Variants in KLB observed in about 807,000 individuals in gnomAD.
KLB encodes klotho beta.
In KLB, 44 loss-of-function variants were observed where a neutral mutation model predicts 88.4. The ratio of observed to expected loss-of-function variants is 0.50; its 90% CI spans 0.39 to 0.64. The LOEUF is 0.64. Ranked by LOEUF, KLB falls within the 30% of genes least tolerant of loss-of-function variation. The probability of loss-of-function intolerance (pLI) is 0.00; values close to 1 mark genes in which losing one functional copy is unlikely to be tolerated. For missense variants in KLB, 1,137 were observed against 1,304.8 expected (o/e 0.87, Z 1.98); for synonymous variants, 548 against 513.4 (o/e 1.07, Z -0.91).
At chr4:39,410,490 C>G (rs1187890467) in intron 1 of KLB, among the ~76,000 whole-genome samples, 1 of 152,170 alleles carries the variant, frequency 6.6e-6, no homozygotes, top group African/African-American at 2.4e-5. Flanking sequence ...TCCTTGAAAT[C>G]AGTCAGAAAG....
At chr4:39,417,968 G>T (rs1350195635) in intron 1 of KLB, among the ~76,000 whole-genome samples, 1 of 151,874 alleles carries the variant, frequency 6.6e-6, no homozygotes, top group East Asian at 1.9e-4. Flanking sequence ...CAGCTGCCCC[G>T]CTTCAATGAA....
intron 3 of KLB, among the ~76,000 whole-genome samples, chr4:39,444,761 A>G (rs1224770706): frequency 6.6e-6 from 1 of 152,100 alleles, no homozygotes; most frequent in Non-Finnish European, 1.5e-5. Flanking sequence ...GGCTAGGAGG[A>G]TTTTACTCAA....
At chr4:39,434,807 T>C in intron 2 of KLB, 87 bp downstream of exon 2, 1 of 1,075,744 alleles carries the variant, frequency 9.3e-7, no homozygotes, top group Non-Finnish European at 1.3e-6. Flanking sequence ...ACTATTATTG[T>C]TGGGCTTTTT....
At chr4:39,408,650 A>T (rs1048582946) in intron 1 of KLB, among the ~76,000 whole-genome samples, 5 of 152,168 alleles carry the variant, frequency 3.3e-5, no homozygotes, top group African/African-American at 1.2e-4. Context: ...TTAAGGAGTA[A>T]AATACAGCTG....
chr4:39,433,765 C>T (rs768845346), intron 1 of KLB, among the ~76,000 whole-genome samples: 24 of 152,044 alleles, frequency 1.6e-4, no homozygotes, highest in Non-Finnish European at 2.9e-4. Context: ...GAAGCTGAGA[C>T]AGGAGAATTG....
intron 1 of KLB, among the ~76,000 whole-genome samples, chr4:39,430,443 C>T (rs1045266015): frequency 1.4e-5 from 2 of 143,618 alleles, no homozygotes; most frequent in South Asian, 2.3e-4. Flanking sequence ...GAATTTCTGT[C>T]GTGATTCTAG....
At chr4:39,410,972 C>A (rs1742827294) in intron 1 of KLB, among the ~76,000 whole-genome samples, 1 of 152,206 alleles carries the variant, frequency 6.6e-6, no homozygotes, top group Non-Finnish European at 1.5e-5. Flanking sequence ...TAGGGAGTAC[C>A]TTAATGCGGG....
chr4:39,437,880 A>C lies in KLB; in HGVS notation c.1490A>C (p.His497Pro), dbSNP rs753349868. Reference protein sequence around the residue: ...QKERKPKSSAHYYKQIIRENG... With the variant: ...QKERKPKSSAPYYKQIIRENG... ...GAGCGGAAACCTAAGTCTTCAGCAC[A>C]CTACTACAAACAGATCATACGAGAA... is the stretch of plus-strand genomic sequence containing the variant. Residue 497 changes from histidine (H) to proline (P), a missense_variant, in exon 3 of 5, where the codon CAC becomes CCC. By Grantham distance (77) the His-to-Pro change is moderately conservative. Coordinates refer to ENST00000257408, the MANE Select transcript of KLB (RefSeq NM_175737.4). 6.2e-7 allele frequency: 1 copy of C among 1,614,248 alleles called. No individual in the cohort carries two copies. Among genetic ancestry groups the C allele is most frequent in the South Asian group, 1.1e-5 (1 of 91,090 alleles).
intron 2 of KLB, among the ~76,000 whole-genome samples, chr4:39,436,291 C>G (rs1228266987): frequency 1.3e-5 from 2 of 152,170 alleles, no homozygotes; most frequent in Admixed American, 6.5e-5. Context: ...TGAGGGAGAG[C>G]AAGACCCTGC....
intron 2 of KLB, 149 bp from the exon 3 acceptor site, chr4:39,437,577 AC>A (rs1380020915): frequency 2.3e-6 from 2 of 868,736 alleles, no homozygotes; most frequent in Non-Finnish European, 3.6e-6. Context: ...TGAAGTATAA[AC>A]ATGAATTTTC....
In KLB at chr4:39,446,032, C is replaced by G. The variant is rs143616132; in HGVS notation, c.1606-300C>G. 1.8e-3 allele frequency among the ~76,000 whole-genome samples: 280 copies of G among 152,218 alleles called. 1 individual carries two copies. The highest frequency in any genetic ancestry group is 6.1e-3 in the African/African-American group (252 of 41,534). ...ATTGCTTTTAATTGAGTGTACCAAGCCAATTTCCTGATGCATTTGAACAGA... is the reference window on the plus strand; with the variant it reads ...ATTGCTTTTAATTGAGTGTACCAAGGCAATTTCCTGATGCATTTGAACAGA... On this transcript the variant is annotated intron_variant, in intron 3 of 4. Coordinates refer to ENST00000257408, the MANE Select transcript of KLB (RefSeq NM_175737.4). The surrounding 1 kb of genome is among the most constrained non-coding windows in gnomAD (Gnocchi z 6.4).
chr4:39,412,085 G>C (rs1742864726), intron 1 of KLB: 1 of 151,854 alleles, frequency 6.6e-6, no homozygotes, highest in Non-Finnish European at 1.5e-5. Context: ...AGAGGAGTAA[G>C]GGATAAAAAA....
chr4:39,430,333 A>C (rs1303938175), intron 1 of KLB, among the ~76,000 whole-genome samples: 1 of 148,394 alleles, frequency 6.7e-6, no homozygotes, highest in African/African-American at 2.4e-5. Flanking sequence ...CAAGGGATTA[A>C]GTGACTGGTT....
intron 1 of KLB, among the ~76,000 whole-genome samples, chr4:39,429,794 A>C (rs1270237533): frequency 6.6e-6 from 1 of 152,198 alleles, no homozygotes; most frequent in African/African-American, 2.4e-5. Context: ...TGGCAAACTC[A>C]CGATCTTGGA....
chr4:39,434,711 G>C lies in KLB; in HGVS notation c.1327G>C (p.Val443Leu), dbSNP rs1230515356. The change falls in exon 2 of 5, where the codon GTG (valine) becomes CTG (leucine). Residue 443 changes from valine (V) to leucine (L), a missense_variant. This residue lies in a region of KLB where 597 missense variants were observed against 765.2 expected (regional missense o/e 0.78). Coordinates refer to ENST00000257408, the MANE Select transcript of KLB (RefSeq NM_175737.4). ...IYMMKNFLSQ[V>L]LQAIRLDEIR... The stretch of plus-strand genomic sequence containing the variant: ...CATGATGAAGAATTTCCTCAGCCAG[G>C]TGCTTCAAGGTTGGTTGTACACTTG... The C allele has an allele frequency of 1.2e-6, 2 of 1,610,658 alleles. No homozygotes were observed. Among genetic ancestry groups the C allele is most frequent in the Admixed American group, 3.4e-5 (2 of 59,302 alleles).
At chr4:39,407,969 A>T (rs1742766181) in intron 1 of KLB, among the ~76,000 whole-genome samples, 195 bp downstream of exon 1, 1 of 152,194 alleles carries the variant, frequency 6.6e-6, no homozygotes, top group South Asian at 2.1e-4. Flanking sequence ...GTATTAATCC[A>T]ATTAGTTTTT....
Position 39,426,251 on chromosome 4 carries a change from C to CAA in KLB, c.826-7946_826-7945dup, listed in dbSNP as rs36101900. On this transcript the variant is annotated intron_variant, in intron 1 of 4. Transcript: ENST00000257408. ...TAGGCGACAGAGCGAGACTCCATCT[C>CAA]AAAAAAAAAAAAAATTAGCCAGGTG... Among the ~76,000 whole-genome samples the CAA allele has an allele frequency of 1.8e-3, 229 of 129,684 alleles. 14 individuals are homozygous for CAA. Among genetic ancestry groups the CAA allele is most frequent in the Middle Eastern group, 3.7e-3 (1 of 268 alleles). 85.1% of individuals were successfully genotyped at this position (129,684 alleles called of 152,430 possible). A position where few individuals can be genotyped will look rare whatever the true frequency, so the allele number is the denominator to read the frequency against.
At chr4:39,419,455 A>G (rs1169465855) in intron 1 of KLB, among the ~76,000 whole-genome samples, 1 of 152,198 alleles carries the variant, frequency 6.6e-6, no homozygotes, top group Non-Finnish European at 1.5e-5. Flanking sequence ...AGAAAGTTTT[A>G]CTGAGCAAAC....
chr4:39,425,819 T>C (rs1043395853), intron 1 of KLB, among the ~76,000 whole-genome samples: 2 of 152,110 alleles, frequency 1.3e-5, no homozygotes, highest in African/African-American at 2.4e-5. Flanking sequence ...ATTTCAACTA[T>C]AGAAAACATG....
Sources: allele counts gnomAD v4.1 joint callset (sites outside exome capture counted in the v4.1 genomes callset), GRCh38; gene constraint gnomAD v4.1.1; regional missense constraint gnomAD v4.1.1; non-coding constraint Gnocchi (gnomAD v3.1); transcripts MANE v1.5; gene names NCBI Gene and HGNC (gene_info 2026-07-23, HGNC 2026-07-21).